Variants in VTI1A observed in about 807,000 individuals in gnomAD.
VTI1A encodes vesicle transport through interaction with t-SNAREs 1A.
A neutral mutation model predicts 34.9 loss-of-function variants in VTI1A; 22 were observed. The ratio of observed to expected loss-of-function variants is 0.63; its 90% CI spans 0.45 to 0.90. The LOEUF (loss-of-function observed/expected upper bound fraction) is 0.90. VTI1A is among the 40% of genes least tolerant of loss of function. The pLI, the probability that VTI1A is intolerant of heterozygous loss-of-function variation, is 0.00. For missense variants in VTI1A, 268 were observed against 275.6 expected (o/e 0.97, Z 0.20); for synonymous variants, 87 against 97.3 (o/e 0.89, Z 0.62).
At chr10:112,569,128 G>A (rs11195996) in intron 5 of VTI1A, among the ~76,000 whole-genome samples, 1 of 151,344 alleles carries the variant, frequency 6.6e-6, no homozygotes. Context: ...GCCCTGCAGC[G>A]TGGGCACAGA....
chr10:112,751,066 G>T lies in VTI1A; in HGVS notation c.561-64224G>T, dbSNP rs1178733878. The stretch of plus-strand genomic sequence containing the variant: ...TCTCTTCCTTTTATATTGCCTCCTG[G>T]ATTTGGGTTGTTTTCCTTTATCTGT... On this transcript the variant is annotated intron_variant, in intron 7 of 7. Coordinates refer to ENST00000393077, the MANE Select transcript of VTI1A (RefSeq NM_145206.4). Among the ~76,000 whole-genome samples, 67 of 152,168 alleles carry T rather than the reference G, an allele frequency of 4.4e-4. 1 individual carries two copies. The highest frequency in any genetic ancestry group is 1.6e-3 in the African/African-American group (67 of 41,422).
chr10:112,732,576 G>A (rs759248499), intron 7 of VTI1A, among the ~76,000 whole-genome samples: 4 of 152,186 alleles, frequency 2.6e-5, no homozygotes, highest in Non-Finnish European at 5.9e-5. Context: ...CATGGTCGAG[G>A]TCATCCAGCT....
At chr10:112,523,530 A>T (rs763308081) in intron 3 of VTI1A, among the ~76,000 whole-genome samples, 8 of 152,196 alleles carry the variant, frequency 5.3e-5, no homozygotes, top group Non-Finnish European at 1.2e-4. Context: ...ACACAAACAC[A>T]CAATTAAAAG....
In VTI1A at chr10:112,531,902, T is replaced by A. The variant is rs567852564; in HGVS notation, c.342+4738T>A. On this transcript the variant is annotated intron_variant, in intron 4 of 7. Coordinates refer to ENST00000393077, the MANE Select transcript of VTI1A (RefSeq NM_145206.4). ...TATTTTAGCTTAAAATTTTGCTTCT[T>A]CTGGGGAAGAATTATAACTTTTCAT... 2.0e-4 allele frequency among the ~76,000 whole-genome samples: 31 copies of A among 152,314 alleles called. No individual in the cohort carries two copies. In the South Asian group the frequency reaches 6.0e-3, roughly 30 times the overall value.
intron 5 of VTI1A, among the ~76,000 whole-genome samples, chr10:112,546,085 C>CGCGTATGTGTGTGTATATACGTGTATAT (rs1851102857): frequency 6.7e-6 from 1 of 148,610 alleles, no homozygotes; most frequent in African/African-American, 2.5e-5. Context: ...TACGTGTATA[C>CGCGTATGTGTGTGTATATACGTGTATAT]GCGTATGTGT....
chr10:112,469,602 T>A (rs1354774253), intron 3 of VTI1A, among the ~76,000 whole-genome samples: 1 of 152,238 alleles, frequency 6.6e-6, no homozygotes, highest in African/African-American at 2.4e-5. Context: ...GCCCTACTTT[T>A]ATGATTTGGC....
intron 7 of VTI1A, among the ~76,000 whole-genome samples, chr10:112,805,518 A>T (rs1853044118): frequency 1.3e-5 from 2 of 152,198 alleles, no homozygotes; most frequent in Non-Finnish European, 2.9e-5. Flanking sequence ...CTCTCACCTT[A>T]ATTTATATGT....
intron 7 of VTI1A, among the ~76,000 whole-genome samples, chr10:112,702,520 A>G (rs1413714895): frequency 6.6e-6 from 1 of 151,266 alleles, no homozygotes; most frequent in African/African-American, 2.4e-5. Context: ...CCCAAGTTCA[A>G]GTGATTCTTG....
chr10:112,512,311 A>G (rs1849640312), intron 3 of VTI1A, among the ~76,000 whole-genome samples: 1 of 152,158 alleles, frequency 6.6e-6, no homozygotes, highest in African/African-American at 2.4e-5. Flanking sequence ...TGTTATATCG[A>G]GCATTTTTTC....
Position 112,815,647 on chromosome 10 carries a change from T to G in VTI1A, c.*264T>G. The G allele has an allele frequency of 2.1e-6, 1 of 477,772 alleles. No individual in the cohort carries two copies. The highest frequency in any genetic ancestry group is 2.3e-5 in the South Asian group (1 of 44,126). The allele number at this position is 477,772 out of a possible 1,614,324, so 29.6% of individuals were successfully genotyped here. A position where few individuals can be genotyped will look rare whatever the true frequency, so the allele number is the denominator to read the frequency against. ...ATGTTTATTTACCTTTTTGCTAATG[T>G]CATCAACTAGCCAAAATAGCCCCAG... On this transcript the variant is annotated 3_prime_UTR_variant, in exon 8 of 8. Transcript: ENST00000393077.
chr10:112,671,938 G>A (rs1193205927), intron 7 of VTI1A: 5 of 151,922 alleles, frequency 3.3e-5, no homozygotes, highest in Non-Finnish European at 7.4e-5. Context: ...TGCCAGGGCC[G>A]GGGATCCTGA....
intron 5 of VTI1A, among the ~76,000 whole-genome samples, chr10:112,632,046 A>G (rs1846148324): frequency 1.3e-5 from 2 of 152,364 alleles, no homozygotes; most frequent in South Asian, 2.1e-4. Context: ...CAACTTGGCC[A>G]GCCATGGTTA....
intron 5 of VTI1A, among the ~76,000 whole-genome samples, chr10:112,565,252 A>G (rs1386732496): frequency 1.3e-5 from 2 of 152,072 alleles, no homozygotes; most frequent in Non-Finnish European, 2.9e-5. Context: ...GTTGTTTTTC[A>G]GGGAAAAACT....
intron 3 of VTI1A, among the ~76,000 whole-genome samples, chr10:112,513,798 A>G (rs1201096329): frequency 6.6e-6 from 1 of 151,874 alleles, no homozygotes; most frequent in African/African-American, 2.4e-5. Context: ...AGATGATCAT[A>G]TTATTTTTAT....
At chr10:112,615,420 C>T (rs1845478738) in intron 5 of VTI1A, among the ~76,000 whole-genome samples, 1 of 152,122 alleles carries the variant, frequency 6.6e-6, no homozygotes, top group Non-Finnish European at 1.5e-5. Flanking sequence ...CTAGAGAACA[C>T]ATCTCTTTTT....
At chr10:112,483,122 T>C (rs945515624) in intron 3 of VTI1A, among the ~76,000 whole-genome samples, 2 of 152,178 alleles carry the variant, frequency 1.3e-5, no homozygotes, top group Non-Finnish European at 2.9e-5. Flanking sequence ...AGTTTGTTGG[T>C]GCTCAAGCAA....
At chr10:112,819,997 G>C (rs1853622841), downstream of VTI1A, among the ~76,000 whole-genome samples, 1 of 152,202 alleles carries the variant, frequency 6.6e-6, no homozygotes, top group Non-Finnish European at 1.5e-5. Flanking sequence ...TCCTTGCTCA[G>C]TGTAGCATCT....
chr10:112,701,556 G>A (rs1468222760), intron 7 of VTI1A, among the ~76,000 whole-genome samples: 1 of 152,164 alleles, frequency 6.6e-6, no homozygotes, highest in Non-Finnish European at 1.5e-5. Context: ...GTATTTTAAT[G>A]TAGTATTTGC....
chr10:112,566,103 A>G (rs2134346762), intron 5 of VTI1A, among the ~76,000 whole-genome samples: 1 of 152,214 alleles, frequency 6.6e-6, no homozygotes, highest in East Asian at 1.9e-4. Flanking sequence ...ATTAAAATCT[A>G]GCTATTTAGC....
Sources: allele counts gnomAD v4.1 joint callset (sites outside exome capture counted in the v4.1 genomes callset), GRCh38; gene constraint gnomAD v4.1.1; transcripts MANE v1.5; gene names NCBI Gene and HGNC (gene_info 2026-07-23, HGNC 2026-07-21).